Variants in WDR27 observed in about 807,000 individuals in gnomAD.
WDR27 encodes WD repeat domain 27, also known as WD repeat-containing protein 27.
Under a neutral mutation model 114.4 loss-of-function variants are expected in WDR27, and 100 were observed. That is an observed-to-expected ratio of 0.87 (90% CI 0.74 to 1.03). The LOEUF is 1.03. Ranked by LOEUF, WDR27 falls within the 50% of genes least tolerant of loss-of-function variation. WDR27 has a pLI of 0.00. For synonymous variants in WDR27, 449 were observed against 423.1 expected, an observed-to-expected ratio of 1.06 and a Z score of -0.75; for missense variants, 1,129 against 1,092.9, an observed-to-expected ratio of 1.03 and a Z score of -0.47.
rs776352128 is a variant in WDR27, at chr6:169,659,235, A to G, written c.1198-28T>C. The G allele has an allele frequency of 1.9e-6, 3 of 1,572,704 alleles. No homozygotes were observed. Among genetic ancestry groups the G allele is most frequent in the African/African-American group, 2.7e-5 (2 of 73,404 alleles). ...GCAGGGACGCGGTTTCAACATCGTT[A>G]GCGACACCACCCAGTAAAAGCAGAC... On this transcript the variant is annotated intron_variant, in intron 11 of 25. Transcript: ENST00000448612. This position sits in a 1 kb window ranked among gnomAD's most constrained non-coding sequence, Gnocchi z 4.3.
chr6:169,436,273 T>C, the WDR27 span, among the ~76,000 whole-genome samples: 1 of 152,208 alleles, frequency 6.6e-6, no homozygotes, highest in East Asian at 1.9e-4. Context: ...GTTTTCAGAA[T>C]TGTCAGCATA....
chr6:169,599,391 G>T (rs1270498648), intron 23 of WDR27, among the ~76,000 whole-genome samples: 1 of 152,104 alleles, frequency 6.6e-6, no homozygotes, highest in African/African-American at 2.4e-5. Context: ...ATTTATTTAT[G>T]GACTTTTTTT....
chr6:169,671,954 G>T, intron 3 of WDR27: 1 of 211,554 alleles, frequency 4.7e-6, no homozygotes, highest in South Asian at 1.7e-4. Context: ...CATGTTTTCA[G>T]GTTGATACAA....
At chr6:169,564,857 C>A (rs200948466) in intron 25 of WDR27, among the ~76,000 whole-genome samples, 8 of 151,606 alleles carry the variant, frequency 5.3e-5, no homozygotes, top group African/African-American at 1.5e-4. Context: ...TAACCAAACG[C>A]GTGAGTGAGT....
chr6:169,537,965 T>TTGAAGCATTTAC (rs922139230), intron 25 of WDR27, among the ~76,000 whole-genome samples: 1 of 151,966 alleles, frequency 6.6e-6, no homozygotes, highest in Non-Finnish European at 1.5e-5. Flanking sequence ...TCACTATATA[T>TTGAAGCATTTAC]TGAAGCATTT....
At chr6:169,701,088 G>C (rs1787860296) in intron 1 of WDR27, among the ~76,000 whole-genome samples, 1 of 152,186 alleles carries the variant, frequency 6.6e-6, no homozygotes, top group Admixed American at 6.5e-5. Context: ...GGAAGCTGTA[G>C]AGTTAATACT....
intron 21 of WDR27, among the ~76,000 whole-genome samples, chr6:169,623,137 T>G (rs1813771982): frequency 6.6e-6 from 1 of 152,052 alleles, no homozygotes; most frequent in African/African-American, 2.4e-5. Context: ...TTGCATACCC[T>G]GCACTGAATG....
chr6:169,508,087 G>C (rs1483471526), intron 25 of WDR27, among the ~76,000 whole-genome samples: 1 of 152,208 alleles, frequency 6.6e-6, no homozygotes, highest in Non-Finnish European at 1.5e-5. Context: ...GAATGGCAGA[G>C]CATTGTGTTT....
At chr6:169,514,161 ATTC>A (rs1793315149) in intron 25 of WDR27, among the ~76,000 whole-genome samples, 1 of 152,082 alleles carries the variant, frequency 6.6e-6, no homozygotes, top group African/African-American at 2.4e-5. Flanking sequence ...TATATATATT[ATTC>A]TTATATACAT....
At chr6:169,501,292 C>T (rs2115482253) in intron 25 of WDR27, among the ~76,000 whole-genome samples, 1 of 152,236 alleles carries the variant, frequency 6.6e-6, no homozygotes, top group South Asian at 2.1e-4. Context: ...AGACGGCCTG[C>T]AGGTCCAGCA....
chr6:169,662,340 C>G lies in WDR27; in HGVS notation c.989G>C (p.Cys330Ser). 1 of 1,613,978 alleles carries G rather than the reference C, an allele frequency of 6.2e-7. No homozygotes were observed. The change falls in exon 9 of 26, where the codon TGT becomes TCT. Residue 330 changes from cysteine (C) to serine (S), a missense_variant. Physicochemically the swap from Cys to Ser is moderately radical, Grantham distance 112. Transcript: ENST00000448612. ...VTFPVLRLAP[C>S]DLSLIPNSAC... ...AGAATTTGGGATGAGTGAGAGATCA[C>G]AGGGTGCAAGTCTCAGTACAGGAAA...
intron 25 of WDR27, among the ~76,000 whole-genome samples, chr6:169,487,060 A>C (rs774999165): frequency 6.6e-6 from 1 of 152,126 alleles, no homozygotes; most frequent in Non-Finnish European, 1.5e-5. Context: ...CCTGGATTTG[A>C]ATCCTGGCAG....
chr6:169,597,335 G>GTT (rs376259785), intron 23 of WDR27, among the ~76,000 whole-genome samples: 11 of 149,872 alleles, frequency 7.3e-5, no homozygotes, highest in African/African-American at 2.7e-4. Context: ...TTTCTATTAT[G>GTT]TTTTTTTTTC....
chr6:169,485,707 G>T (rs916894999), intron 25 of WDR27, among the ~76,000 whole-genome samples: 1 of 152,148 alleles, frequency 6.6e-6, no homozygotes, highest in South Asian at 2.1e-4. Context: ...ACACATGTAC[G>T]TGTACGTTCA....
intron 25 of WDR27, among the ~76,000 whole-genome samples, chr6:169,487,657 C>T (rs1789118689): frequency 6.6e-6 from 1 of 152,138 alleles, no homozygotes; most frequent in African/African-American, 2.4e-5. Context: ...CGAATATGGC[C>T]AAGATAAGAC....
chr6:169,591,218 A>G (rs892760586), intron 23 of WDR27, among the ~76,000 whole-genome samples: 6 of 152,080 alleles, frequency 3.9e-5, no homozygotes, highest in African/African-American at 1.2e-4. Flanking sequence ...ATGATTGGTG[A>G]TGTGAGCCCT....
intron 19 of WDR27, 103 bp from the exon 20 acceptor site, chr6:169,634,628 C>T (rs1378579809): frequency 1.4e-6 from 1 of 710,764 alleles, no homozygotes; most frequent in Non-Finnish European, 2.3e-6. Context: ...GTTTTCATAT[C>T]ACTTTAAAAA....
chr6:169,440,231 T>C, the WDR27 span, among the ~76,000 whole-genome samples: 1 of 152,180 alleles, frequency 6.6e-6, no homozygotes, highest in Non-Finnish European at 1.5e-5. Flanking sequence ...TGTAACCCTA[T>C]GCATTGTTTT....
intron 25 of WDR27, among the ~76,000 whole-genome samples, chr6:169,516,775 A>G (rs2128057854): frequency 7.3e-6 from 1 of 137,780 alleles, no homozygotes; most frequent in African/African-American, 2.6e-5. Context: ...GCTGAGAGTT[A>G]AAGGCATGCT....
Sources: allele counts gnomAD v4.1 joint callset (sites outside exome capture counted in the v4.1 genomes callset), GRCh38; gene constraint gnomAD v4.1.1; non-coding constraint Gnocchi (gnomAD v3.1); transcripts MANE v1.5; gene names NCBI Gene and HGNC (gene_info 2026-07-23, HGNC 2026-07-21).